The following SLC24A2 variants were observed in gnomAD, a reference collection of about 807,000 sequenced individuals.
The protein encoded by SLC24A2 is solute carrier family 24 member 2.
SLC24A2 carries 36 observed loss-of-function variants against 62.0 expected under a neutral mutation model. That is an observed-to-expected ratio of 0.58 (90% CI 0.44 to 0.77). SLC24A2 has a LOEUF of 0.77. Among genes scored for constraint, SLC24A2 ranks in the 30% least tolerant of loss-of-function variants. The pLI is 0.00. For synonymous variants in SLC24A2, 358 were observed against 294.0 expected (o/e 1.22, Z -2.23); for missense variants, 846 against 817.9 (o/e 1.03, Z -0.42).
chr9:19,585,889 T>A (rs570417510), intron 5 of SLC24A2, among the ~76,000 whole-genome samples: 2 of 152,330 alleles, frequency 1.3e-5, no homozygotes, highest in East Asian at 3.9e-4. Context: ...TGGCCACCCA[T>A]AAAGGATGGA....
the SLC24A2 span, among the ~76,000 whole-genome samples, chr9:20,027,979 C>T: frequency 6.6e-6 from 1 of 151,996 alleles, no homozygotes; most frequent in South Asian, 2.1e-4. Context: ...AGTTGGTTGT[C>T]GTTAAATAAG....
In SLC24A2 at chr9:19,507,614, A is replaced by AGGCTGTCT. The variant is rs879776812; in HGVS notation, c.*8538_*8539insAGACAGCC. The AGGCTGTCT allele has an allele frequency of 3.3e-5, 5 of 152,278 alleles. No individual in the cohort carries two copies. Among genetic ancestry groups the AGGCTGTCT allele is most frequent in the Non-Finnish European group, 5.9e-5 (4 of 68,046 alleles). The allele number at this position is 152,278 out of a possible 1,614,324, so 9.4% of individuals were successfully genotyped here. ...TTTATCAGAATGAAGTCCATGTGACAGAAGTACATACTTCAGACAGCCTAT... is the reference window on the plus strand; with the variant it reads ...TTTATCAGAATGAAGTCCATGTGACAGGCTGTCTGAAGTACATACTTCAGACAGCCTAT... On this transcript the variant is annotated 3_prime_UTR_variant, in exon 11 of 11. Coordinates refer to ENST00000341998, the MANE Select transcript of SLC24A2 (RefSeq NM_020344.4).
At chr9:19,564,253 C>T (rs1318211177) in intron 7 of SLC24A2, among the ~76,000 whole-genome samples, 1 of 152,028 alleles carries the variant, frequency 6.6e-6, no homozygotes, top group Non-Finnish European at 1.5e-5. Context: ...AATTAAAAAA[C>T]CACACTCACT....
the SLC24A2 span, among the ~76,000 whole-genome samples, chr9:20,155,682 C>A: frequency 6.6e-6 from 1 of 151,758 alleles, no homozygotes; most frequent in East Asian, 1.9e-4. Flanking sequence ...AGGAGTTACA[C>A]AGATATAAAG....
chr9:19,698,047 A>G (rs1055230056), intron 2 of SLC24A2, among the ~76,000 whole-genome samples: 1 of 152,186 alleles, frequency 6.6e-6, no homozygotes, highest in African/African-American at 2.4e-5. Context: ...CTGGCTAGTT[A>G]TTGAAATTTA....
chr9:19,968,707 C>T, the SLC24A2 span, among the ~76,000 whole-genome samples: 5 of 152,168 alleles, frequency 3.3e-5, no homozygotes, highest in East Asian at 5.8e-4. Context: ...GGCATCAGAA[C>T]ATTTACAGAG....
chr9:19,931,635 T>G, the SLC24A2 span, among the ~76,000 whole-genome samples: 881 of 152,264 alleles, frequency 5.8e-3, 10 homozygotes, highest in African/African-American at 0.02. Context: ...ATGGTACATG[T>G]TATCTTCAAA....
the SLC24A2 span, among the ~76,000 whole-genome samples, chr9:20,225,050 T>C: frequency 6.6e-6 from 1 of 152,110 alleles, no homozygotes; most frequent in Non-Finnish European, 1.5e-5. Context: ...ACATCTTTGC[T>C]TAGCTCTTTC....
the SLC24A2 span, among the ~76,000 whole-genome samples, chr9:20,121,204 T>G: frequency 6.6e-6 from 1 of 151,008 alleles, no homozygotes; most frequent in Non-Finnish European, 1.5e-5. Context: ...ATAGGTCAAT[T>G]TGGAAATAAA....
the SLC24A2 span, among the ~76,000 whole-genome samples, chr9:20,120,949 C>A: frequency 6.7e-6 from 1 of 150,148 alleles, no homozygotes; most frequent in Non-Finnish European, 1.5e-5. Flanking sequence ...ATATATAGGC[C>A]TATTTGCAAA....
At chr9:20,031,988 A>C in the SLC24A2 span, among the ~76,000 whole-genome samples, 1 of 152,222 alleles carries the variant, frequency 6.6e-6, no homozygotes, top group Non-Finnish European at 1.5e-5. Flanking sequence ...AGAGGGACAC[A>C]ATTCAGATCT....
chr9:19,851,155 T>G, the SLC24A2 span, among the ~76,000 whole-genome samples: 1 of 147,872 alleles, frequency 6.8e-6, no homozygotes, highest in South Asian at 2.2e-4. Flanking sequence ...TCCCGAGTAG[T>G]TGGGATTGTA....
At chr9:19,790,917 C>T (rs1269706594), upstream of SLC24A2, among the ~76,000 whole-genome samples, 5 of 151,976 alleles carry the variant, frequency 3.3e-5, no homozygotes, top group African/African-American at 9.7e-5. Context: ...CAGGTTTTTC[C>T]CCTACAGCTC....
At chr9:20,094,413 G>A in the SLC24A2 span, among the ~76,000 whole-genome samples, 4 of 152,182 alleles carry the variant, frequency 2.6e-5, no homozygotes, top group South Asian at 2.1e-4. Flanking sequence ...AAGGAACTGC[G>A]AGTATTTGTG....
chr9:19,531,966 G>A (rs1383745070), intron 8 of SLC24A2, among the ~76,000 whole-genome samples: 1 of 152,134 alleles, frequency 6.6e-6, no homozygotes, highest in Non-Finnish European at 1.5e-5. Flanking sequence ...TCATGCCCTT[G>A]TATTCATGAG....
the SLC24A2 span, among the ~76,000 whole-genome samples, chr9:20,013,909 A>T: frequency 4.0e-4 from 61 of 152,332 alleles, no homozygotes; most frequent in African/African-American, 1.4e-3. Context: ...AATGGTGTTT[A>T]TCAAAAAGAT....
intron 2 of SLC24A2, among the ~76,000 whole-genome samples, chr9:19,740,496 C>G (rs950933056): frequency 4.6e-5 from 7 of 152,124 alleles, no homozygotes; most frequent in Admixed American, 3.3e-4. Context: ...TTCTATGAAT[C>G]CACATATGCA....
chr9:19,735,258 A>G (rs1182661), intron 2 of SLC24A2, among the ~76,000 whole-genome samples: 112,173 of 152,032 alleles, frequency 0.74, 41,946 homozygotes, highest in East Asian at 0.93. Flanking sequence ...ATGAAAAGAC[A>G]CTCATCATCA....
the SLC24A2 span, among the ~76,000 whole-genome samples, chr9:20,066,167 T>C: frequency 6.6e-6 from 1 of 152,172 alleles, no homozygotes; most frequent in Admixed American, 6.5e-5. Context: ...CTTTAGACAA[T>C]TTGCTTTATT....
Sources: gnomAD v4.1 joint callset for allele counts (sites outside exome capture counted in the v4.1 genomes callset) on GRCh38, gnomAD v4.1.1 for gene constraint, MANE v1.5 for transcripts, NCBI Gene and HGNC (gene_info 2026-07-23, HGNC 2026-07-21) for gene names.